The following SHBG variants were observed in gnomAD, a reference collection of about 807,000 sequenced individuals.
The protein encoded by SHBG is sex hormone-binding globulin.
SHBG carries 37 observed loss-of-function variants against 41.9 expected under a neutral mutation model. The observed-to-expected ratio is 0.88, with a 90% CI of 0.68 to 1.16. SHBG has a LOEUF of 1.16. Among genes scored for constraint, SHBG ranks in the 50% most tolerant of loss-of-function variants. The pLI, the probability that SHBG is intolerant of heterozygous loss-of-function variation, is 0.00. For missense variants in SHBG, 466 were observed against 499.9 expected (o/e 0.93, Z 0.65); for synonymous variants, 217 against 205.8 (o/e 1.05, Z -0.47).
At chr17:7,624,016 A>G (rs2072145795), upstream of SHBG, among the ~76,000 whole-genome samples, 2 of 152,072 alleles carry the variant, frequency 1.3e-5, no homozygotes, top group African/African-American at 2.4e-5. Context: ...CAGTAGTGCA[A>G]TCTCGGCTCA....
intron 1 of SHBG, among the ~76,000 whole-genome samples, chr17:7,616,593 C>T (rs1449981277): frequency 1.3e-5 from 2 of 150,220 alleles, no homozygotes; most frequent in Non-Finnish European, 2.9e-5. Context: ...CCACTGCACT[C>T]CAGCTGGGGC....
At chr17:7,627,696 T>A, upstream of SHBG, 1 of 1,582,104 alleles carries the variant, frequency 6.3e-7, no homozygotes, top group Non-Finnish European at 8.7e-7. This position sits in a 1 kb window ranked among gnomAD's most constrained non-coding sequence, Gnocchi z 4.8. Context: ...CTAGACCCCT[T>A]AAAGGGCCTA....
chr17:7,614,416 TA>T, intron 1 of SHBG: 1 of 1,456,270 alleles, frequency 6.9e-7, no homozygotes, highest in Non-Finnish European at 9.3e-7. Context: ...GGGAGGGGGC[TA>T]AGGACCGGCG....
chr17:7,626,189 CAA>C (rs370938874), upstream of SHBG: 16,151 of 230,930 alleles, frequency 0.07, 2 homozygotes, highest in East Asian at 0.1. Context: ...GACTCTGTCT[CAA>C]AAAAAAAAAA....
At chr17:7,622,251 G>A (rs892046724) in intron 1 of SHBG, among the ~76,000 whole-genome samples, 4 of 151,320 alleles carry the variant, frequency 2.6e-5, no homozygotes, top group African/African-American at 9.7e-5. Context: ...ACTCCAATCA[G>A]CCCCAACACC....
chr17:7,618,401 A>T lies in SHBG; in HGVS notation c.-62+4290A>T, dbSNP rs1239172796. 2.0e-5 allele frequency among the ~76,000 whole-genome samples: 3 copies of T among 151,624 alleles called. No homozygotes were observed. In the East Asian group the frequency reaches 5.9e-4, roughly 30 times the overall value. On this transcript the variant is annotated intron_variant, in intron 1 of 5. Transcript: ENST00000570547. Reference sequence around the variant, plus strand: ...ATTCTCTTGCCTCAGCCTCCTGAGTAGCTGTGATTATAGGTGCCCACTGCC... The same window carrying T: ...ATTCTCTTGCCTCAGCCTCCTGAGTTGCTGTGATTATAGGTGCCCACTGCC...
intron 1 of SHBG, chr17:7,614,157 T>A (rs1477471579): frequency 3.2e-6 from 2 of 625,400 alleles, no homozygotes; most frequent in Non-Finnish European, 5.9e-6. Context: ...AGAAGCTGGG[T>A]AAAGGGGTCT....
upstream of SHBG, chr17:7,627,271 T>G: frequency 6.2e-7 from 1 of 1,612,544 alleles, no homozygotes; most frequent in Non-Finnish European, 8.5e-7. The surrounding 1 kb of genome is among the most constrained non-coding windows in gnomAD (Gnocchi z 4.8). Flanking sequence ...AAAGAGGACG[T>G]GGGTGTATGC....
chr17:7,631,722 G>A lies in SHBG; in HGVS notation c.689G>A (p.Gly230Glu). ...ESNPGIFLPP[G>E]TQAEFNLRDI... is the part of the protein sequence containing the mutation. ...AATCCCGGGATATTTCTCCCTCCAG[G>A]GACTCAGGCAGAATTCAATCTCCGA... Residue 230 changes from glycine (G) to glutamate (E), a missense_variant, in exon 5 of 8, where the codon GGG (glycine) becomes GAG (glutamate). Transcript: ENST00000380450. The A allele has an allele frequency of 6.2e-7, 1 of 1,614,066 alleles. No homozygotes were observed. The highest frequency in any genetic ancestry group is 8.5e-7 in the Non-Finnish European group (1 of 1,180,012).
chr17:7,614,135 A>T, intron 1 of SHBG: 1 of 591,850 alleles, frequency 1.7e-6, no homozygotes, highest in Non-Finnish European at 3.2e-6. Flanking sequence ...CAGACAACGG[A>T]CACAGTCAAT....
chr17:7,625,771 A>G (rs2072186806), upstream of SHBG, among the ~76,000 whole-genome samples: 1 of 151,086 alleles, frequency 6.6e-6, no homozygotes, highest in South Asian at 2.1e-4. Flanking sequence ...GGCGCCTGTA[A>G]TCCCAGCTAC....
intron 1 of SHBG, among the ~76,000 whole-genome samples, chr17:7,622,796 G>C (rs567337090): frequency 2.0e-5 from 3 of 151,290 alleles, no homozygotes; most frequent in East Asian, 2.0e-4. Context: ...TTGGGAGGCC[G>C]AGGTGGTCAG....
upstream of SHBG, chr17:7,628,057 C>T (rs1418750717): frequency 2.1e-6 from 1 of 467,530 alleles, no homozygotes; most frequent in Non-Finnish European, 4.3e-6. Flanking sequence ...CGAGATACCC[C>T]GCGGTTCAAA....
intron 1 of SHBG, among the ~76,000 whole-genome samples, chr17:7,622,474 T>C (rs988335879): frequency 3.3e-5 from 5 of 151,706 alleles, no homozygotes; most frequent in South Asian, 2.1e-4. Context: ...GGTTTCACCA[T>C]GTTGACCAGG....
At chr17:7,618,163 G>T (rs879405444) in intron 1 of SHBG, among the ~76,000 whole-genome samples, 7 of 148,376 alleles carry the variant, frequency 4.7e-5, no homozygotes, top group Non-Finnish European at 9.0e-5. Context: ...AAGTTGCAGT[G>T]AGCCGAGATC....
upstream of SHBG, chr17:7,627,439 A>G: frequency 6.2e-7 from 1 of 1,613,824 alleles, no homozygotes; most frequent in Non-Finnish European, 8.5e-7. This position sits in a 1 kb window ranked among gnomAD's most constrained non-coding sequence, Gnocchi z 4.8. Flanking sequence ...CGGAAGCTAG[A>G]TTAGAGCAGA....
At chr17:7,621,057 C>T (rs2072083612) in intron 1 of SHBG, among the ~76,000 whole-genome samples, 1 of 140,852 alleles carries the variant, frequency 7.1e-6, no homozygotes, top group Non-Finnish European at 1.5e-5. Context: ...GATCGCACCA[C>T]TGCACTTGGC....
At chr17:7,628,356 C>T (rs1029024120), upstream of SHBG, among the ~76,000 whole-genome samples, 8 of 151,356 alleles carry the variant, frequency 5.3e-5, no homozygotes, top group East Asian at 1.9e-4. Flanking sequence ...CTCCACCTCC[C>T]GAGTTCAAGC....
chr17:7,623,767 T>A (rs1430466566), upstream of SHBG, among the ~76,000 whole-genome samples: 1 of 152,164 alleles, frequency 6.6e-6, no homozygotes, highest in Non-Finnish European at 1.5e-5. Context: ...ACCTATTATT[T>A]TTTTTTTGTT....
Sources: gnomAD v4.1 joint callset for allele counts (sites outside exome capture counted in the v4.1 genomes callset) on GRCh38, gnomAD v4.1.1 for gene constraint, Gnocchi (gnomAD v3.1) non-coding constraint, MANE v1.5 for transcripts, NCBI Gene and HGNC (gene_info 2026-07-23, HGNC 2026-07-21) for gene names.